Variants in NECTIN1 observed in about 807,000 individuals in gnomAD.
NECTIN1 encodes nectin-1.
NECTIN1 carries 23 observed loss-of-function variants against 48.0 expected under a neutral mutation model. The ratio of observed to expected loss-of-function variants is 0.48; its 90% confidence interval spans 0.34 to 0.68. The LOEUF is 0.68. NECTIN1 is among the 30% of genes least tolerant of loss of function. NECTIN1 has a pLI of 0.01. For synonymous variants in NECTIN1, 270 were observed against 288.9 expected, an observed-to-expected ratio of 0.93 and a Z score of 0.66; for missense variants, 591 against 709.9, an observed-to-expected ratio of 0.83 and a Z score of 1.90.
intron 5 of NECTIN1, among the ~76,000 whole-genome samples, chr11:119,650,038 A>C (rs1864465960): frequency 6.6e-6 from 1 of 151,794 alleles, no homozygotes; most frequent in Non-Finnish European, 1.5e-5. Context: ...AGATTTGGGT[A>C]GATAAAGGAA....
intron 5 of NECTIN1, 80 bp downstream of exon 5, chr11:119,675,079 G>T (rs1040162293): frequency 1.4e-6 from 2 of 1,478,498 alleles, no homozygotes; most frequent in African/African-American, 2.8e-5. Context: ...TTCCTGCAGT[G>T]GCATTGCTCA....
rs377687596 is a variant in NECTIN1 at position 119,638,841 on chromosome 11, G to A, written c.1152-35C>T. 31 of 1,568,176 alleles carry A rather than the reference G, an allele frequency of 2.0e-5. No individual in the cohort carries two copies. The South Asian group carries it at 2.4e-4, about 12-fold the overall frequency. ...GAATGAGGGTAAGCTCAGCACAGGA[G>A]CACACATGGGGGCTCTCCCCATCAG... On this transcript the variant is annotated intron_variant, in intron 6 of 7. Transcript: ENST00000341398.
At position 119,665,379 on chromosome 11, in the gene NECTIN1, G is replaced by A. The variant is rs1864748729; in HGVS notation, c.1004-82C>T. ...AGGGGGTGGGAGGGAGGCAGGGAAA[G>A]GAGAGGCCAGGAAGGACAGGCTGTC... is the stretch of plus-strand genomic sequence containing the variant. On this transcript the variant is annotated intron_variant, in intron 5 of 5. Transcript: ENST00000264025. The surrounding 1 kb of genome is among the most constrained non-coding windows in gnomAD (Gnocchi z 5.1). The A allele has an allele frequency of 1.4e-5, 21 of 1,487,284 alleles. No homozygotes were observed. Among genetic ancestry groups the A allele is most frequent in the Non-Finnish European group, 1.8e-5 (20 of 1,122,402 alleles). The allele number at this position is 1,487,284 out of a possible 1,614,324, so 92.1% of individuals were successfully genotyped here.
Position 119,677,780 on chromosome 11 carries a change from C to T in NECTIN1, c.508G>A (p.Ala170Thr). The T allele has an allele frequency of 6.2e-7, 1 of 1,614,098 alleles. No individual in the cohort carries two copies. Among genetic ancestry groups the T allele is most frequent in the Middle Eastern group, 1.6e-4 (1 of 6,062 alleles). Residue 170 changes from alanine to threonine, a missense_variant, in exon 3 of 6, where the codon GCC (alanine) becomes ACC (threonine). By Grantham distance (58) the Ala-to-Thr change is moderately conservative. Transcript: ENST00000264025. This position sits in a 1 kb window ranked among gnomAD's most constrained non-coding sequence, Gnocchi z 5.4. ...TTCCCATTGGCTGAGGTGCAGGTGG[C>T]CACCAGGACCTTGTCATCCTGCCCC... ...KKGQDDKVLV[A>T]TCTSANGKPP...
chr11:119,681,221 G>A (rs1169907220), intron 1 of NECTIN1, among the ~76,000 whole-genome samples: 1 of 152,272 alleles, frequency 6.6e-6, no homozygotes, highest in Non-Finnish European at 1.5e-5. Flanking sequence ...CAGGCTGCTG[G>A]AGGCTGCCCA....
chr11:119,641,080 C>A (rs1298140816), intron 5 of NECTIN1: 1 of 152,246 alleles, frequency 6.6e-6, no homozygotes, highest in Non-Finnish European at 1.5e-5. Context: ...CTCTCCCCTT[C>A]TCTCTGCTCC....
At chr11:119,652,231 C>G (rs1864503223) in intron 5 of NECTIN1, among the ~76,000 whole-genome samples, 1 of 152,218 alleles carries the variant, frequency 6.6e-6, no homozygotes, top group African/African-American at 2.4e-5. Flanking sequence ...GCGAACCCCA[C>G]CCGGTGTGGT....
At chr11:119,648,125 T>C (rs369428748) in intron 5 of NECTIN1, among the ~76,000 whole-genome samples, 1 of 137,384 alleles carries the variant, frequency 7.3e-6, no homozygotes, top group South Asian at 2.5e-4. Flanking sequence ...GGTAAGCACG[T>C]GAGAGCCTGG....
intron 5 of NECTIN1, among the ~76,000 whole-genome samples, chr11:119,670,181 C>T (rs1864843161): frequency 6.6e-6 from 1 of 152,080 alleles, no homozygotes; most frequent in Non-Finnish European, 1.5e-5. Flanking sequence ...GCTGATCTCA[C>T]ACTCCTGACC....
chr11:119,663,840 A>C lies in NECTIN1; in HGVS notation c.*907T>G, dbSNP rs1864711516. 1 of 985,398 alleles carries C rather than the reference A, an allele frequency of 1.0e-6. No individual in the cohort carries two copies. Among genetic ancestry groups the C allele is most frequent in the African/African-American group, 1.7e-5 (1 of 57,224 alleles). The allele number at this position is 985,398 out of a possible 1,614,324, so 61.0% of individuals were successfully genotyped here. A position where few individuals can be genotyped will look rare whatever the true frequency, so the allele number is the denominator to read the frequency against. Reference sequence around the variant, plus strand: ...GCTTCTATAGGCAGACCCCATTCTCAGCTTAAAGGGGGAATGAGGTGGAAA... The same window carrying C: ...GCTTCTATAGGCAGACCCCATTCTCCGCTTAAAGGGGGAATGAGGTGGAAA... On this transcript the variant is annotated 3_prime_UTR_variant, in exon 6 of 6. Transcript: ENST00000264025.
Position 119,661,312 on chromosome 11 carries a change from G to C in NECTIN1, c.*3435C>G, listed in dbSNP as rs568646314. 1.0e-6 allele frequency: 1 copy of C among 986,056 alleles called. No homozygotes were observed. The highest frequency in any genetic ancestry group is 1.7e-5 in the African/African-American group (1 of 57,376). 61.1% of individuals were successfully genotyped at this position (986,056 alleles called of 1,614,324 possible). ...GGTCAGAAGAGCAGCAGCACCGAGT[G>C]GGACAGGGGCTCCTCCTGGCCTCAC... is the stretch of plus-strand genomic sequence containing the variant. On this transcript the variant is annotated 3_prime_UTR_variant, in exon 6 of 6. Coordinates refer to ENST00000264025, the MANE Select transcript of NECTIN1 (RefSeq NM_002855.5).
At chr11:119,689,143 G>A (rs1317008317) in intron 1 of NECTIN1, among the ~76,000 whole-genome samples, 3 of 152,198 alleles carry the variant, frequency 2.0e-5, no homozygotes, top group Non-Finnish European at 4.4e-5. Context: ...TCCACAACAT[G>A]TGTTCTGTGC....
At chr11:119,696,374 G>A (rs968529670) in intron 1 of NECTIN1, among the ~76,000 whole-genome samples, 1 of 152,228 alleles carries the variant, frequency 6.6e-6, no homozygotes, top group African/African-American at 2.4e-5. Context: ...TCGAAGAGCA[G>A]AGTGGGCCTC....
At chr11:119,659,987 C>T (rs1388314955), downstream of NECTIN1, among the ~76,000 whole-genome samples, 1 of 152,208 alleles carries the variant, frequency 6.6e-6, no homozygotes, top group African/African-American at 2.4e-5. Flanking sequence ...CTGGGTTTGG[C>T]CTTCCAGCGG....
rs1324315691 is a variant in NECTIN1, at chr11:119,663,968, G to A, written c.*779C>T. ...TGTGTGCATGTGTGTGTGTGTGCAC[G>A]TGTCAGCAGAGGCAGAGAGCAAGTG... On this transcript the variant is annotated 3_prime_UTR_variant, in exon 6 of 6. Coordinates refer to ENST00000264025, the MANE Select transcript of NECTIN1 (RefSeq NM_002855.5). 1.1e-5 allele frequency: 11 copies of A among 986,040 alleles called. No homozygotes were observed. Among genetic ancestry groups the A allele is most frequent in the East Asian group, 1.1e-4 (1 of 8,844 alleles). 61.1% of individuals were successfully genotyped at this position (986,040 alleles called of 1,614,324 possible).
At chr11:119,679,499 C>T (rs1865023176) in intron 1 of NECTIN1, among the ~76,000 whole-genome samples, 1 of 152,146 alleles carries the variant, frequency 6.6e-6, no homozygotes, top group African/African-American at 2.4e-5. Context: ...CCGCTGGCTC[C>T]CCATGGCCTT....
Position 119,673,152 on chromosome 11 carries a change from G to A in NECTIN1, c.1003+2007C>T, listed in dbSNP as rs547429073. ...GCTCCCCAGAGAATGTGGCAGGCAC[G>A]GGCCGACGTGGAATGGAGGGTGGTG... On this transcript the variant is annotated intron_variant, in intron 5 of 5. Transcript: ENST00000264025. The surrounding 1 kb of genome is among the most constrained non-coding windows in gnomAD (Gnocchi z 5.8). Among the ~76,000 whole-genome samples, 58 of 152,330 alleles carry A rather than the reference G, an allele frequency of 3.8e-4. 1 individual carries two copies. The South Asian group carries it at 9.5e-3, about 25-fold the overall frequency.
intron 5 of NECTIN1, among the ~76,000 whole-genome samples, chr11:119,651,375 G>T (rs1042825735): frequency 2.0e-5 from 3 of 152,130 alleles, no homozygotes; most frequent in Non-Finnish European, 4.4e-5. Context: ...TCTTCCTAGG[G>T]TGAACAGATA....
rs944839738 is a variant in NECTIN1, at chr11:119,663,073, C to T, written c.*1674G>A. On this transcript the variant is annotated 3_prime_UTR_variant, in exon 6 of 6. Transcript: ENST00000264025. ...TTAGGAAGCCTATGGCAGGGTGGGT[C>T]AGTGCCCGTGGGGCACAGAGTGGTC... 84 of 985,318 alleles carry T rather than the reference C, an allele frequency of 8.5e-5. No homozygotes were observed. The highest frequency in any genetic ancestry group is 1.0e-4 in the Non-Finnish European group (84 of 829,936). The allele number at this position is 985,318 out of a possible 1,614,324, so 61.0% of individuals were successfully genotyped here.
Sources: allele counts gnomAD v4.1 joint callset (sites outside exome capture counted in the v4.1 genomes callset), GRCh38; gene constraint gnomAD v4.1.1; non-coding constraint Gnocchi (gnomAD v3.1); transcripts MANE v1.5; gene names NCBI Gene and HGNC (gene_info 2026-07-23, HGNC 2026-07-21).